Variants in MICALL2 observed in about 807,000 individuals in gnomAD.
MICALL2 encodes MICAL like 2.
Under a neutral mutation model 91.1 loss-of-function variants are expected in MICALL2, and 111 were observed. The observed-to-expected ratio is 1.22, with a 90% CI of 1.04 to 1.43. The LOEUF (loss-of-function observed/expected upper bound fraction) is 1.43. Among genes scored for constraint, MICALL2 ranks in the 40% most tolerant of loss-of-function variants. The probability of loss-of-function intolerance (pLI) is 0.00; values close to 1 mark genes in which losing one functional copy is unlikely to be tolerated. For missense variants in MICALL2, 1,556 were observed against 1,236.0 expected, an observed-to-expected ratio of 1.26 and a Z score of -3.88; for synonymous variants, 694 against 525.3, an observed-to-expected ratio of 1.32 and a Z score of -4.39.
Position 1,445,031 on chromosome 7 carries a change from C to A in MICALL2, c.1039G>T (p.Gly347Cys). Residue 347 changes from glycine to cysteine, a missense_variant, in exon 6 of 17, where the codon GGC becomes TGC. Transcript: ENST00000297508. ...GTGCACGGGGCAGCTGACGACCAGC[C>A]CATCGGGGAGCTATTGGTCACACGA... Reference protein sequence around the residue: ...RPRVTNSSPMGWSSAAPCTAA... With the variant: ...RPRVTNSSPMCWSSAAPCTAA... The A allele has an allele frequency of 6.5e-7, 1 of 1,532,646 alleles. No individual in the cohort carries two copies. Among genetic ancestry groups the A allele is most frequent in the East Asian group, 2.4e-5 (1 of 40,910 alleles). The allele number at this position is 1,532,646 out of a possible 1,614,324, so 94.9% of individuals were successfully genotyped here.
At position 1,445,374 on chromosome 7, in the gene MICALL2, C is replaced by G. The variant is rs1039252676; in HGVS notation, c.696G>C (p.Glu232Asp). ...LHSGAYKATG[E>D]PGTFVCTSHL... Reference sequence around the variant, plus strand: ...GGCTGGTGCAGACGAAGGTGCCCGGCTCTCCTGTGGCCTTGTAGGCCCCCG... The same window carrying G: ...GGCTGGTGCAGACGAAGGTGCCCGGGTCTCCTGTGGCCTTGTAGGCCCCCG... The change falls in exon 6 of 17, where the codon GAG (glutamate) becomes GAC (aspartate). Residue 232 changes from glutamate to aspartate, a missense_variant. By Grantham distance (45) the Glu-to-Asp change is conservative. Transcript: ENST00000297508. 1 of 1,585,548 alleles carries G rather than the reference C, an allele frequency of 6.3e-7. No homozygotes were observed. Among genetic ancestry groups the G allele is most frequent in the Non-Finnish European group, 8.5e-7 (1 of 1,171,918 alleles).
At chr7:1,443,813 G>A (rs952637948) in intron 6 of MICALL2, among the ~76,000 whole-genome samples, 3 of 152,234 alleles carry the variant, frequency 2.0e-5, no homozygotes, top group African/African-American at 7.2e-5. Context: ...CTGGCCTGCA[G>A]AGCTGTGAGG....
Position 1,458,589 on chromosome 7 carries a change from G to A in MICALL2, c.143+595C>T, listed in dbSNP as rs1258857772. Among the ~76,000 whole-genome samples, 3 of 152,384 alleles carry A rather than the reference G, an allele frequency of 2.0e-5. No individual in the cohort carries two copies. In the East Asian group the frequency reaches 5.8e-4, roughly 29 times the overall value. ...ACACGCCAAGACCCTCCTGGGGAGA[G>A]ACAGCCTAGTCCTCAACCCCTGCCA... On this transcript the variant is annotated intron_variant, in intron 1 of 16. Coordinates refer to ENST00000297508, the MANE Select transcript of MICALL2 (RefSeq NM_182924.4).
Position 1,444,768 on chromosome 7 carries a change from G to A in MICALL2, c.1302C>T (p.Gly434=), listed in dbSNP as rs778083224. ...GAACAAGTGACGGGGTGGGACCTCT[G>A]CCAGAAAGGCTGGTGCCGGGGGGCA... ...SAVPPGTSLS[G]RGPTPSLVLS... The change falls in exon 6 of 17, where the codon GGC becomes GGT. Residue 434 remains glycine, a synonymous_variant. Transcript: ENST00000297508. 6 of 1,611,954 alleles carry A rather than the reference G, an allele frequency of 3.7e-6. No individual in the cohort carries two copies. The highest frequency in any genetic ancestry group is 2.2e-5 in the East Asian group (1 of 44,876).
At chr7:1,444,073 T>C (rs1304754905) in intron 6 of MICALL2, among the ~76,000 whole-genome samples, 2 of 104,542 alleles carry the variant, frequency 1.9e-5, no homozygotes. Context: ...GCTCGCGACC[T>C]GTCCCCGCGT....
At chr7:1,455,992 C>T (rs10232735) in intron 1 of MICALL2, among the ~76,000 whole-genome samples, 13,288 of 151,874 alleles carry the variant, frequency 0.087, 1,953 homozygotes, top group African/African-American at 0.3. Flanking sequence ...CTGAAGACTA[C>T]TGGGGACAGG....
chr7:1,440,348 C>A (rs1472801349), intron 8 of MICALL2: 2 of 619,056 alleles, frequency 3.2e-6, no homozygotes, highest in East Asian at 5.5e-5. Flanking sequence ...TCCACCCCAG[C>A]TGCAGGCATG....
At chr7:1,458,176 A>AC (rs1336975694) in intron 1 of MICALL2, among the ~76,000 whole-genome samples, 2 of 152,222 alleles carry the variant, frequency 1.3e-5, no homozygotes, top group African/African-American at 4.8e-5. Context: ...GTCCAGGGGC[A>AC]CAGGGGAGGA....
At chr7:1,445,872 C>T (rs373607417) in intron 5 of MICALL2, among the ~76,000 whole-genome samples, 50 of 152,040 alleles carry the variant, frequency 3.3e-4, no homozygotes, top group African/African-American at 1.1e-3. Context: ...GGGAACAGCG[C>T]TTGTTTCCTA....
chr7:1,457,191 C>A (rs1319772539), intron 1 of MICALL2, among the ~76,000 whole-genome samples: 1 of 152,218 alleles, frequency 6.6e-6, no homozygotes. Flanking sequence ...CCTACCATAT[C>A]TACTGAACCC....
intron 15 of MICALL2, among the ~76,000 whole-genome samples, chr7:1,436,228 A>G (rs929799496): frequency 6.6e-6 from 1 of 152,026 alleles, no homozygotes; most frequent in Non-Finnish European, 1.5e-5. Flanking sequence ...CGTCTCTACC[A>G]AAAATACAAA....
At chr7:1,442,075 C>CGG (rs147344347) in intron 7 of MICALL2, 117 bp downstream of exon 7, 1 of 1,179,420 alleles carries the variant, frequency 8.5e-7, no homozygotes. Context: ...AGAGATGAGA[C>CGG]GGAGAGGAAG....
intron 15 of MICALL2, among the ~76,000 whole-genome samples, chr7:1,435,921 G>A (rs1001275298): frequency 1.5e-4 from 23 of 151,918 alleles, no homozygotes; most frequent in South Asian, 8.3e-4. Context: ...GTGTGGTGGC[G>A]GGCGCCTGTA....
Position 1,445,042 on chromosome 7 carries a change from C to G in MICALL2, c.1028G>C (p.Ser343Thr). The G allele has an allele frequency of 6.5e-7, 1 of 1,540,398 alleles. No homozygotes were observed. Among genetic ancestry groups the G allele is most frequent in the East Asian group, 2.4e-5 (1 of 40,938 alleles). Reference sequence around the variant, plus strand: ...AGCTGACGACCAGCCCATCGGGGAGCTATTGGTCACACGAGGGCGGACTTT... The same window carrying G: ...AGCTGACGACCAGCCCATCGGGGAGGTATTGGTCACACGAGGGCGGACTTT... The part of the protein sequence containing the change: ...EGKVRPRVTN[S>T]SPMGWSSAAP... The change falls in exon 6 of 17, where the codon AGC becomes ACC. Residue 343 changes from serine (S) to threonine (T), a missense_variant. Coordinates refer to ENST00000297508, the MANE Select transcript of MICALL2 (RefSeq NM_182924.4).
chr7:1,438,550 T>TG, intron 10 of MICALL2, 197 bp from the exon 11 acceptor site: 1 of 1,428,520 alleles, frequency 7.0e-7, no homozygotes, highest in Non-Finnish European at 9.1e-7. Flanking sequence ...AGCCCCACCC[T>TG]GCACCCTGCC....
intron 1 of MICALL2, among the ~76,000 whole-genome samples, chr7:1,454,000 C>T (rs1360151058): frequency 6.6e-6 from 1 of 152,196 alleles, no homozygotes; most frequent in Non-Finnish European, 1.5e-5. Context: ...ACACCTGCCC[C>T]CACCACCCCT....
At chr7:1,440,722 G>C (rs376387371) in intron 7 of MICALL2, 38 bp from the exon 8 acceptor site, 3 of 1,563,412 alleles carry the variant, frequency 1.9e-6, no homozygotes, top group Admixed American at 1.7e-5. Context: ...TGAGGAAGGA[G>C]TGCTGGGAAT....
intron 1 of MICALL2, among the ~76,000 whole-genome samples, chr7:1,458,205 G>A (rs1043770386): frequency 6.6e-6 from 1 of 152,224 alleles, no homozygotes; most frequent in Non-Finnish European, 1.5e-5. Flanking sequence ...TCTGCGCAAC[G>A]GGCTGGGGCT....
intron 16 of MICALL2, chr7:1,434,896 C>T (rs968037735): frequency 6.9e-6 from 5 of 720,868 alleles, no homozygotes; most frequent in African/African-American, 1.8e-5. Flanking sequence ...CCAGCTGCCC[C>T]TGGCTCTCTT....
Sources: allele counts gnomAD v4.1 joint callset (sites outside exome capture counted in the v4.1 genomes callset), GRCh38; gene constraint gnomAD v4.1.1; transcripts MANE v1.5; gene names NCBI Gene and HGNC (gene_info 2026-07-23, HGNC 2026-07-21).